Variants in PPP4R4 observed in about 807,000 individuals in gnomAD.
The protein encoded by PPP4R4 is protein phosphatase 4 regulatory subunit 4.
In PPP4R4, 70 loss-of-function variants were observed where a neutral mutation model predicts 121.8. The observed-to-expected ratio is 0.57, with a 90% confidence interval of 0.47 to 0.70. The LOEUF (loss-of-function observed/expected upper bound fraction) is 0.70. Ranked by LOEUF, PPP4R4 falls within the 30% of genes least tolerant of loss-of-function variation. PPP4R4 has a pLI of 0.00. For missense variants in PPP4R4, 875 were observed against 1,033.6 expected (o/e 0.85, Z 2.10); for synonymous variants, 348 against 355.7 (o/e 0.98, Z 0.24).
chr14:94,225,533 G>C (rs1261989356), intron 3 of PPP4R4, among the ~76,000 whole-genome samples: 2 of 152,192 alleles, frequency 1.3e-5, no homozygotes, highest in African/African-American at 2.4e-5. Flanking sequence ...CCTGAAATCA[G>C]GTTAAGTAAG....
At chr14:94,231,105 G>T in intron 4 of PPP4R4, 137 bp from the exon 5 acceptor site, 1 of 672,448 alleles carries the variant, frequency 1.5e-6, no homozygotes, top group Non-Finnish European at 2.3e-6. Context: ...CAAAATAATA[G>T]AGAAACTTTT....
chr14:94,273,803 T>C (rs1595553945), intron 23 of PPP4R4, among the ~76,000 whole-genome samples: 2 of 152,120 alleles, frequency 1.3e-5, no homozygotes, highest in Admixed American at 1.3e-4. Flanking sequence ...GCTGGAACCA[T>C]TGGATATCCA....
chr14:94,265,743 C>T, intron 21 of PPP4R4, 51 bp from the exon 22 acceptor site: 1 of 1,314,942 alleles, frequency 7.6e-7, no homozygotes, highest in Non-Finnish European at 1.1e-6. Context: ...GGGGTTGGAG[C>T]AGCCGAGGAT....
chr14:94,186,201 A>G (rs148926892), intron 2 of PPP4R4, among the ~76,000 whole-genome samples: 3 of 152,302 alleles, frequency 2.0e-5, no homozygotes, highest in Non-Finnish European at 4.4e-5. Context: ...CACGATTCAG[A>G]TATTGAACAT....
rs1241779704 is a variant in PPP4R4, at chr14:94,279,267, G to T, written c.*624G>T. On this transcript the variant is annotated 3_prime_UTR_variant, in exon 25 of 25. Coordinates refer to ENST00000304338, the MANE Select transcript of PPP4R4 (RefSeq NM_058237.2). ...CCACAAAGATTTCTGGTAACTTTGAGCTATAAATACCTTAAAAATAATAGA... is the reference window on the plus strand; with the variant it reads ...CCACAAAGATTTCTGGTAACTTTGATCTATAAATACCTTAAAAATAATAGA... 1 of 152,540 alleles carries T rather than the reference G, an allele frequency of 6.6e-6. No individual in the cohort carries two copies. The highest frequency in any genetic ancestry group is 1.5e-5 in the Non-Finnish European group (1 of 68,030). 9.4% of individuals were successfully genotyped at this position (152,540 alleles called of 1,614,324 possible).
intron 20 of PPP4R4, 103 bp downstream of exon 20, chr14:94,265,050 G>T: frequency 9.5e-7 from 1 of 1,054,048 alleles, no homozygotes; most frequent in Non-Finnish European, 1.4e-6. Flanking sequence ...ATGGAAAATT[G>T]CTTTACTTTC....
intron 3 of PPP4R4, among the ~76,000 whole-genome samples, chr14:94,227,070 G>A (rs1428833288): frequency 3.3e-5 from 5 of 152,162 alleles, no homozygotes; most frequent in African/African-American, 4.8e-5. Context: ...ACTAAAGAGC[G>A]AATTTAAACA....
rs189934340 is a variant in PPP4R4 at position 94,202,775 on chromosome 14, G to A, written c.192-5689G>A. Among the ~76,000 whole-genome samples, 477 of 152,020 alleles carry A rather than the reference G, an allele frequency of 3.1e-3. 7 individuals are homozygous for A. Among genetic ancestry groups the A allele is most frequent in the Admixed American group, 0.023 (350 of 15,282 alleles). On this transcript the variant is annotated intron_variant, in intron 2 of 24. Transcript: ENST00000304338. ...AGGTGGATCATGAGGTCAAGAGATC[G>A]AGACCATCCTGGCCAACATGGTGAA...
chr14:94,250,292 TCTA>T lies in PPP4R4; in HGVS notation c.1717+19_1717+21del, dbSNP rs762252021. On this transcript the variant is annotated intron_variant, in intron 15 of 24. Transcript: ENST00000304338. ...ATTAATTGAACGTAAGTAATCATTG[TCTA>T]CTATTTTGAAAAAGGAAAGTAAACA... The T allele has an allele frequency of 6.5e-7, 1 of 1,542,636 alleles. No individual in the cohort carries two copies. The highest frequency in any genetic ancestry group is 8.9e-7 in the Non-Finnish European group (1 of 1,117,396).
chr14:94,256,895 T>C (rs1396759418), intron 17 of PPP4R4, among the ~76,000 whole-genome samples: 1 of 152,186 alleles, frequency 6.6e-6, no homozygotes, highest in African/African-American at 2.4e-5. Flanking sequence ...GAATGTTTTA[T>C]TCATCAGACT....
rs1295316137 is a variant in PPP4R4, at chr14:94,218,915, A to G, written c.294+10349A>G. Among the ~76,000 whole-genome samples, 10 of 152,324 alleles carry G rather than the reference A, an allele frequency of 6.6e-5. No individual in the cohort carries two copies. The East Asian group carries it at 1.9e-3, about 29-fold the overall frequency. On this transcript the variant is annotated intron_variant, in intron 3 of 24. Transcript: ENST00000304338. ...CATATTAAAAGTACTGAAAGTAAAA[A>G]GCAAAAATTAAAAAGTCAACTGAAA...
chr14:94,276,847 G>A (rs1437814828), intron 24 of PPP4R4, among the ~76,000 whole-genome samples: 2 of 151,528 alleles, frequency 1.3e-5, no homozygotes, highest in Non-Finnish European at 2.9e-5. Context: ...CAAGGAAAGA[G>A]GACCAATGTA....
chr14:94,246,284 T>A (rs1892891253), intron 13 of PPP4R4, 73 bp from the exon 14 acceptor site: 5 of 1,331,588 alleles, frequency 3.8e-6, no homozygotes, highest in Non-Finnish European at 5.1e-6. Context: ...CCCCAATGTG[T>A]TATAAGACTG....
Position 94,265,851 on chromosome 14 carries a change from T to G in PPP4R4, c.2342T>G (p.Phe781Cys). Reference sequence around the variant, plus strand: ...AGCCAGTCTTTTAATAATCAAGCTTTTCATGCAAAATATGGCAACTTAGAG... The same window carrying G: ...AGCCAGTCTTTTAATAATCAAGCTTGTCATGCAAAATATGGCAACTTAGAG... ...IRSQSFNNQA[F>C]HAKYGNLEKC... The change falls in exon 22 of 25, where the codon TTT becomes TGT. Residue 781 changes from phenylalanine to cysteine, a missense_variant. Coordinates refer to ENST00000304338, the MANE Select transcript of PPP4R4 (RefSeq NM_058237.2). 6.2e-7 allele frequency: 1 copy of G among 1,608,690 alleles called. No individual in the cohort carries two copies. Among genetic ancestry groups the G allele is most frequent in the Non-Finnish European group, 8.5e-7 (1 of 1,176,134 alleles).
intron 11 of PPP4R4, among the ~76,000 whole-genome samples, chr14:94,243,929 C>G (rs1892754874): frequency 6.6e-6 from 1 of 151,872 alleles, no homozygotes; most frequent in Admixed American, 6.6e-5. Flanking sequence ...CAAAAACAAC[C>G]CTGTTAGAGC....
At chr14:94,213,751 C>G (rs2139465427) in intron 3 of PPP4R4, among the ~76,000 whole-genome samples, 2 of 152,210 alleles carry the variant, frequency 1.3e-5, no homozygotes, top group South Asian at 4.1e-4. Context: ...CAGATTCTAC[C>G]CCAGAGCCTC....
At chr14:94,263,512 A>C (rs368095407) in intron 19 of PPP4R4, among the ~76,000 whole-genome samples, 4 of 152,294 alleles carry the variant, frequency 2.6e-5, no homozygotes, top group Admixed American at 2.6e-4. Flanking sequence ...GTGTGACTAA[A>C]GTGGAAATTT....
intron 2 of PPP4R4, among the ~76,000 whole-genome samples, chr14:94,187,478 G>C (rs1232739680): frequency 6.6e-6 from 1 of 151,980 alleles, no homozygotes; most frequent in Non-Finnish European, 1.5e-5. Flanking sequence ...AGTTAGTATA[G>C]AAAGTTCCTA....
At chr14:94,268,399 C>G (rs905185387) in intron 23 of PPP4R4, among the ~76,000 whole-genome samples, 3 of 152,100 alleles carry the variant, frequency 2.0e-5, no homozygotes, top group Non-Finnish European at 4.4e-5. Context: ...AATATTGATT[C>G]AGAAGTGGTT....
Sources: gnomAD v4.1 joint callset for allele counts (sites outside exome capture counted in the v4.1 genomes callset) on GRCh38, gnomAD v4.1.1 for gene constraint, MANE v1.5 for transcripts, NCBI Gene and HGNC (gene_info 2026-07-23, HGNC 2026-07-21) for gene names.